The following COG5 variants were observed in gnomAD, a reference collection of about 807,000 sequenced individuals.
The protein encoded by COG5 is component of oligomeric golgi complex 5.
Under a neutral mutation model 110.4 loss-of-function variants are expected in COG5, and 86 were observed. The ratio of observed to expected loss-of-function variants is 0.78; its 90% CI spans 0.65 to 0.93. The LOEUF (loss-of-function observed/expected upper bound fraction) is 0.93. Ranked by LOEUF, COG5 falls within the 40% of genes least tolerant of loss-of-function variation. COG5 has a pLI of 0.00. For missense variants in COG5, 1,077 were observed against 987.0 expected (o/e 1.09, Z -1.22); for synonymous variants, 360 against 334.6 (o/e 1.08, Z -0.83).
intron 14 of COG5, among the ~76,000 whole-genome samples, chr7:107,276,339 C>T (rs971890053): frequency 5.3e-5 from 8 of 152,118 alleles, no homozygotes; most frequent in Non-Finnish European, 8.8e-5. Flanking sequence ...TTTTAGTTTT[C>T]TTTTAACACA....
chr7:107,484,043 T>A (rs576828748), intron 6 of COG5, among the ~76,000 whole-genome samples: 1 of 152,188 alleles, frequency 6.6e-6, no homozygotes, highest in South Asian at 2.1e-4. Context: ...TTTATATATA[T>A]CCTCCCTTAT....
intron 8 of COG5, among the ~76,000 whole-genome samples, chr7:107,369,633 C>T (rs1021319256): frequency 3.3e-5 from 5 of 152,032 alleles, no homozygotes; most frequent in Admixed American, 1.3e-4. Context: ...AAGTGATCTG[C>T]CCACCTCAGT....
Position 107,236,679 on chromosome 7 carries a change from G to T in COG5, c.1862C>A (p.Ser621Tyr). ...AGGAACATCAGGTTTTCCTGAGCTG[G>T]ATAATGACCTGTAAAAGAAAAAGCA... ...MHQEDFSGSL[S>Y]SSGKPDVPCS... The change falls in exon 18 of 22, where the codon TCC becomes TAC. Residue 621 changes from serine to tyrosine, a missense_variant. Transcript: ENST00000297135. 1 of 1,612,112 alleles carries T rather than the reference G, an allele frequency of 6.2e-7. No individual in the cohort carries two copies. Among genetic ancestry groups the T allele is most frequent in the Non-Finnish European group, 8.5e-7 (1 of 1,178,280 alleles).
At position 107,474,228 on chromosome 7, in the gene COG5, T is replaced by C. The variant is rs1408288448; in HGVS notation, c.538+53009A>G. 4 of 1,613,100 alleles carry C rather than the reference T, an allele frequency of 2.5e-6. No homozygotes were observed. In the Admixed American group the frequency reaches 5.0e-5, roughly 20 times the overall value. ...TTATGTTAGAAATTGTGTTGGGACT[T>C]GGCAGCAACCTCACTGTATTGGTAC... is the stretch of plus-strand genomic sequence containing the variant. On this transcript the variant is annotated intron_variant, in intron 6 of 21. Coordinates refer to ENST00000297135, the MANE Select transcript of COG5 (RefSeq NM_006348.5). The surrounding 1 kb of genome is among the most constrained non-coding windows in gnomAD (Gnocchi z 5.7).
intron 6 of COG5, among the ~76,000 whole-genome samples, chr7:107,476,184 TAAAAAAAAAA>T (rs34741713): frequency 1.6e-4 from 7 of 44,070 alleles, no homozygotes; most frequent in Non-Finnish European, 2.6e-4. Context: ...GCAATGATTT[TAAAAAAAAAA>T]AAAAAAAAAA....
In COG5 at chr7:107,415,709, T is replaced by A. The variant is rs190078049; in HGVS notation, c.539-3077A>T. Among the ~76,000 whole-genome samples the A allele has an allele frequency of 1.7e-3, 260 of 150,676 alleles. 1 individual carries two copies. Among genetic ancestry groups the A allele is most frequent in the Non-Finnish European group, 1.7e-3 (116 of 67,522 alleles). The stretch of plus-strand genomic sequence containing the variant: ...ACATACATAGGGATATATGTACGTG[T>A]GCATGAATGTATATATGTATATGTA... On this transcript the variant is annotated intron_variant, in intron 6 of 21. Transcript: ENST00000297135.
In COG5 at chr7:107,236,514, T is replaced by C; in HGVS notation, c.2027A>G (p.His676Arg). The change falls in exon 18 of 22, where the codon CAT becomes CGT. Residue 676 changes from histidine to arginine, a missense_variant. By Grantham distance (29) the His-to-Arg change is conservative. Transcript: ENST00000297135. The part of the protein sequence containing the change: ...AQRAVELFIR[H>R]ASLIRPLGEG... Reference sequence around the variant, plus strand: ...ACCAAGAGGTCTTATGAGACTGGCATGGCGGATAAAAAGTTCAACAGCTCT... The same window carrying C: ...ACCAAGAGGTCTTATGAGACTGGCACGGCGGATAAAAAGTTCAACAGCTCT... 1.2e-6 allele frequency: 2 copies of C among 1,614,194 alleles called. No homozygotes were observed. Among genetic ancestry groups the C allele is most frequent in the Non-Finnish European group, 1.7e-6 (2 of 1,180,032 alleles).
At chr7:107,351,675 G>T (rs1812153465) in intron 10 of COG5, among the ~76,000 whole-genome samples, 1 of 152,024 alleles carries the variant, frequency 6.6e-6, no homozygotes, top group African/African-American at 2.4e-5. Context: ...CTTCTCAAAA[G>T]AAGACATTTA....
At chr7:107,256,706 T>C (rs1287449396) in intron 16 of COG5, 26 bp downstream of exon 16, 4 of 1,533,612 alleles carry the variant, frequency 2.6e-6, no homozygotes, top group African/African-American at 2.7e-5. Context: ...CTTTGATCTA[T>C]AGAGTCAAAG....
chr7:107,202,313 A>T lies in COG5; in HGVS notation c.*1203T>A. 2 of 152,612 alleles carry T rather than the reference A, an allele frequency of 1.3e-5. No individual in the cohort carries two copies. Among genetic ancestry groups the T allele is most frequent in the Non-Finnish European group, 2.9e-5 (2 of 68,036 alleles). 9.5% of individuals were successfully genotyped at this position (152,612 alleles called of 1,614,324 possible). On this transcript the variant is annotated 3_prime_UTR_variant, in exon 22 of 22. Transcript: ENST00000297135. The stretch of plus-strand genomic sequence containing the variant: ...CTTTAATTTTCCTCCAACTGTCTAA[A>T]ATTAGAGCAAATACATTGGCAATAC...
intron 14 of COG5, among the ~76,000 whole-genome samples, chr7:107,265,717 G>A (rs969428282): frequency 2.6e-5 from 4 of 152,134 alleles, no homozygotes; most frequent in Admixed American, 2.6e-4. Context: ...GTTTAAATAT[G>A]TATGTGCTCA....
chr7:107,273,832 G>A (rs1804475453), intron 14 of COG5, among the ~76,000 whole-genome samples: 1 of 151,426 alleles, frequency 6.6e-6, no homozygotes, highest in East Asian at 1.9e-4. Context: ...TTTTAAATGA[G>A]AAAGATAAAA....
At chr7:107,350,736 G>C (rs1484149876) in intron 10 of COG5, among the ~76,000 whole-genome samples, 1 of 152,038 alleles carries the variant, frequency 6.6e-6, no homozygotes, top group Non-Finnish European at 1.5e-5. Context: ...ACCAATTAAG[G>C]ATCATGTTAG....
intron 6 of COG5, among the ~76,000 whole-genome samples, chr7:107,476,678 T>C (rs1797016138): frequency 6.6e-6 from 1 of 151,710 alleles, no homozygotes; most frequent in South Asian, 2.1e-4. Flanking sequence ...CTATCAGAAA[T>C]TTAGCAATAA....
At chr7:107,339,532 A>ACC (rs1811007952) in intron 10 of COG5, among the ~76,000 whole-genome samples, 1 of 152,056 alleles carries the variant, frequency 6.6e-6, no homozygotes, top group South Asian at 2.1e-4. Flanking sequence ...GACCTAATAG[A>ACC]TATCTACAGG....
At chr7:107,551,025 C>T (rs544727027) in intron 3 of COG5, among the ~76,000 whole-genome samples, 108 of 151,918 alleles carry the variant, frequency 7.1e-4, no homozygotes, top group Middle Eastern at 3.4e-3. Context: ...ACAAATAAAT[C>T]AATGAGGCTA....
intron 6 of COG5, among the ~76,000 whole-genome samples, chr7:107,489,585 A>G (rs976232626): frequency 1.5e-4 from 23 of 152,306 alleles, no homozygotes; most frequent in African/African-American, 5.5e-4. Context: ...AAGTTCACCC[A>G]TTGTTAAAAA....
chr7:107,527,155 A>G (rs1181290080), intron 6 of COG5, 82 bp downstream of exon 6: 4 of 1,297,976 alleles, frequency 3.1e-6, no homozygotes, highest in African/African-American at 3.0e-5. Flanking sequence ...GCTAATGGTG[A>G]TAACAAAAGT....
intron 6 of COG5, among the ~76,000 whole-genome samples, chr7:107,481,368 T>G (rs762144013): frequency 6.6e-6 from 1 of 152,144 alleles, no homozygotes; most frequent in Admixed American, 6.6e-5. Context: ...AAATTAAAAT[T>G]TAAATTTAAT....
Sources: gnomAD v4.1 joint callset for allele counts (sites outside exome capture counted in the v4.1 genomes callset) on GRCh38, gnomAD v4.1.1 for gene constraint, Gnocchi (gnomAD v3.1) non-coding constraint, MANE v1.5 for transcripts, NCBI Gene and HGNC (gene_info 2026-07-23, HGNC 2026-07-21) for gene names.